Variants in TRPS1 observed in about 807,000 individuals in gnomAD.
TRPS1 encodes zinc finger transcription factor Trps1.
TRPS1 carries 6 observed loss-of-function variants against 101.2 expected under a neutral mutation model. The ratio of observed to expected loss-of-function variants is 0.06; its 90% CI spans 0.03 to 0.12. The LOEUF (loss-of-function observed/expected upper bound fraction) is 0.12, where lower values mean the gene tolerates loss of function less well. TRPS1 is among the 10% of genes least tolerant of loss of function. The pLI, the probability that TRPS1 is intolerant of heterozygous loss-of-function variation, is 1.00. For synonymous variants in TRPS1, 578 were observed against 589.8 expected, an observed-to-expected ratio of 0.98 and a Z score of 0.29; for missense variants, 1,363 against 1,567.0, an observed-to-expected ratio of 0.87 and a Z score of 2.20.
At chr8:115,585,760 G>A (rs1462553471) in intron 5 of TRPS1, among the ~76,000 whole-genome samples, 3 of 152,116 alleles carry the variant, frequency 2.0e-5, no homozygotes, top group African/African-American at 7.2e-5. Context: ...CTTCTTCCCT[G>A]CAGGAAGGAT....
At chr8:115,545,971 T>C (rs1283410194) in intron 5 of TRPS1, among the ~76,000 whole-genome samples, 1 of 152,106 alleles carries the variant, frequency 6.6e-6, no homozygotes, top group Admixed American at 6.6e-5. Context: ...TAAAACAGTT[T>C]ATGATCTCAA....
At chr8:115,615,915 A>G (rs1818267401) in intron 3 of TRPS1, among the ~76,000 whole-genome samples, 1 of 152,208 alleles carries the variant, frequency 6.6e-6, no homozygotes, top group South Asian at 2.1e-4. Flanking sequence ...TGCATCTATG[A>G]TTTTTACAAA....
At chr8:115,641,880 GAAAAC>G (rs113288951) in intron 1 of TRPS1, among the ~76,000 whole-genome samples, 15,974 of 151,510 alleles carry the variant, frequency 0.11, 2,821 homozygotes, top group African/African-American at 0.36. Flanking sequence ...TCTCCGTCTC[GAAAAC>G]AAAACAAAAC....
rs991489230 is a variant in TRPS1, at chr8:115,425,288, T to C, written c.2701-6836A>G. 2.6e-5 allele frequency among the ~76,000 whole-genome samples: 4 copies of C among 152,178 alleles called. No individual in the cohort carries two copies. The East Asian group carries it at 7.7e-4, about 29-fold the overall frequency. ...ACAGTCCTCTTTGCCCTCAGATTTC[T>C]TGCCAAAAAACTGAAGGGACTCTAT... is the stretch of plus-strand genomic sequence containing the variant. On this transcript the variant is annotated intron_variant, in intron 5 of 6. Coordinates refer to ENST00000395715, the MANE Select transcript of TRPS1 (RefSeq NM_014112.5).
At position 115,408,947 on chromosome 8, in the gene TRPS1, G is replaced by A. The variant is rs1244737307; in HGVS notation, c.*5076C>T. On this transcript the variant is annotated 3_prime_UTR_variant, in exon 7 of 7. Transcript: ENST00000395715. The stretch of plus-strand genomic sequence containing the variant: ...AAGAAACTATGATTTTATCAGCCTA[G>A]TAATAGTTTTGCATCTTCATAGTCA... The A allele has an allele frequency of 6.6e-6, 1 of 152,036 alleles. No individual in the cohort carries two copies. The highest frequency in any genetic ancestry group is 2.4e-5 in the African/African-American group (1 of 41,268). The allele number at this position is 152,036 out of a possible 1,614,324, so 9.4% of individuals were successfully genotyped here.
chr8:115,629,584 C>T (rs1818593199), intron 1 of TRPS1, among the ~76,000 whole-genome samples: 1 of 151,724 alleles, frequency 6.6e-6, no homozygotes, highest in African/African-American at 2.4e-5. Context: ...AGTTTAAAAC[C>T]TTATATGCCA....
chr8:115,409,938 G>A lies in TRPS1; in HGVS notation c.*4085C>T, dbSNP rs1262040865. 7.4e-6 allele frequency: 1 copy of A among 135,616 alleles called. No individual in the cohort carries two copies. Among genetic ancestry groups the A allele is most frequent in the Admixed American group, 7.8e-5 (1 of 12,876 alleles). 8.4% of individuals were successfully genotyped at this position (135,616 alleles called of 1,614,324 possible). A position where few individuals can be genotyped will look rare whatever the true frequency, so the allele number is the denominator to read the frequency against. ...TTTTTTCTTTTTTTTTTTTTGCCAT[G>A]GCTCTCAAACCAAAGACAGTAGCTA... On this transcript the variant is annotated 3_prime_UTR_variant, in exon 7 of 7. Transcript: ENST00000395715.
At chr8:115,445,556 T>A (rs940148738) in intron 5 of TRPS1, among the ~76,000 whole-genome samples, 1 of 152,288 alleles carries the variant, frequency 6.6e-6, no homozygotes, top group Admixed American at 6.5e-5. Flanking sequence ...AAAACAAGTG[T>A]TTGTTACTGT....
At chr8:115,513,959 T>C (rs1285715228) in intron 5 of TRPS1, among the ~76,000 whole-genome samples, 2 of 151,710 alleles carry the variant, frequency 1.3e-5, no homozygotes, top group Admixed American at 1.3e-4. Flanking sequence ...TTCTCTGTTA[T>C]GACCTAGGTA....
intron 1 of TRPS1, among the ~76,000 whole-genome samples, chr8:115,644,242 G>T (rs1331973451): frequency 6.6e-6 from 1 of 152,146 alleles, no homozygotes; most frequent in African/African-American, 2.4e-5. Context: ...GTGCTCCTTT[G>T]TCTCCACTGA....
intron 4 of TRPS1, among the ~76,000 whole-genome samples, chr8:115,592,680 C>A (rs754186162): frequency 1.3e-5 from 1 of 75,300 alleles, no homozygotes; most frequent in South Asian, 6.4e-4. Context: ...TTTCAATAAC[C>A]TATACTAAAA....
intron 5 of TRPS1, among the ~76,000 whole-genome samples, chr8:115,576,068 AT>A (rs1247484946): frequency 3.3e-5 from 5 of 152,118 alleles, no homozygotes; most frequent in African/African-American, 1.2e-4. Flanking sequence ...TTATTTTCTC[AT>A]TGTGCTTACT....
At position 115,518,585 on chromosome 8, in the gene TRPS1, A is replaced by C. The variant is rs1018924381; in HGVS notation, c.2700+68416T>G. Among the ~76,000 whole-genome samples, 3 of 151,792 alleles carry C rather than the reference A, an allele frequency of 2.0e-5. No homozygotes were observed. In the East Asian group the frequency reaches 5.8e-4, roughly 29 times the overall value. On this transcript the variant is annotated intron_variant, in intron 5 of 6. Coordinates refer to ENST00000395715, the MANE Select transcript of TRPS1 (RefSeq NM_014112.5). ...CCTAAAGGTATATCCAAAATTATGA[A>C]TTATTTTTCCTAAAGTGGAGCTTCC... is the stretch of plus-strand genomic sequence containing the variant.
At chr8:115,562,343 T>A (rs1816965229) in intron 5 of TRPS1, among the ~76,000 whole-genome samples, 1 of 152,088 alleles carries the variant, frequency 6.6e-6, no homozygotes, top group South Asian at 2.1e-4. Context: ...TCATCAATTT[T>A]CCTAACTTTT....
rs147262333 is a variant in TRPS1 at position 115,595,865 on chromosome 8, ATTTG to A, written c.2096+8004_2096+8007del. Among the ~76,000 whole-genome samples the A allele has an allele frequency of 9.0e-3, 1,372 of 151,606 alleles. 53 individuals are homozygous for A. Among genetic ancestry groups the A allele is most frequent in the Admixed American group, 0.066 (1,010 of 15,218 alleles). On this transcript the variant is annotated intron_variant, in intron 4 of 6. Transcript: ENST00000395715. ...AGGTAATATTGCTTTGTGAGGTTTT[ATTTG>A]TTTGTTTGTTTGTTTGTTTGGTGAA...
chr8:115,587,626 A>T, intron 4 of TRPS1, 22 bp from the exon 5 acceptor site: 4 of 1,613,800 alleles, frequency 2.5e-6, no homozygotes. Context: ...GAAAACAGTT[A>T]CTGCAAAGAC....
intron 5 of TRPS1, among the ~76,000 whole-genome samples, chr8:115,566,072 C>T (rs1176849769): frequency 6.6e-6 from 1 of 152,060 alleles, no homozygotes; most frequent in Non-Finnish European, 1.5e-5. Flanking sequence ...TTAAAGAAAA[C>T]TGTACATATT....
chr8:115,588,233 TAA>T (rs1231169356), intron 4 of TRPS1, among the ~76,000 whole-genome samples: 4 of 152,114 alleles, frequency 2.6e-5, no homozygotes, highest in East Asian at 1.9e-4. Flanking sequence ...AAAAAAGAAA[TAA>T]AGTGTTCTTT....
intron 3 of TRPS1, among the ~76,000 whole-genome samples, chr8:115,605,516 T>C (rs2130495912): frequency 6.6e-6 from 1 of 152,242 alleles, no homozygotes; most frequent in East Asian, 1.9e-4. Context: ...GTCTCTGTTT[T>C]AGGTAAAATA....
Sources: allele counts gnomAD v4.1 joint callset (sites outside exome capture counted in the v4.1 genomes callset), GRCh38; gene constraint gnomAD v4.1.1; transcripts MANE v1.5; gene names NCBI Gene and HGNC (gene_info 2026-07-23, HGNC 2026-07-21).